The following LRRC4C variants were observed in gnomAD, a reference collection of about 807,000 sequenced individuals.
The protein encoded by LRRC4C is leucine rich repeat containing 4C.
In LRRC4C, 5 loss-of-function variants were observed where a neutral mutation model predicts 33.6. That is an observed-to-expected ratio of 0.15 (90% CI 0.08 to 0.31). The LOEUF (loss-of-function observed/expected upper bound fraction) is 0.31, where lower values mean the gene tolerates loss of function less well. LRRC4C is among the 10% of genes least tolerant of loss of function. The pLI is 1.00. For missense variants in LRRC4C, 560 were observed against 796.7 expected (o/e 0.70, Z 3.58); for synonymous variants, 329 against 302.0 (o/e 1.09, Z -0.93).
At chr11:41,132,866 T>C in intron 1 of LRRC4C, among the ~76,000 whole-genome samples, 1 of 152,138 alleles carries the variant, frequency 6.6e-6, no homozygotes, top group Admixed American at 6.6e-5. Flanking sequence ...ATCACTGTTC[T>C]GTTGTTATCC....
intron 2 of LRRC4C, among the ~76,000 whole-genome samples, chr11:40,776,101 C>T (rs1439885452): frequency 6.6e-6 from 1 of 152,008 alleles, no homozygotes; most frequent in African/African-American, 2.4e-5. Flanking sequence ...GTTGAACCAA[C>T]CTTGCATTCC....
intron 1 of LRRC4C, among the ~76,000 whole-genome samples, chr11:41,234,461 C>T (rs1030020637): frequency 4.0e-5 from 6 of 151,788 alleles, no homozygotes; most frequent in African/African-American, 1.5e-4. Flanking sequence ...TACAATAGAT[C>T]TCTTTAACTT....
intron 5 of LRRC4C, among the ~76,000 whole-genome samples, chr11:40,225,410 C>T (rs963612870): frequency 6.6e-6 from 1 of 152,138 alleles, no homozygotes; most frequent in African/African-American, 2.4e-5. Context: ...CTCATTTGGT[C>T]TCACCTTTTC....
chr11:40,402,216 CTA>C (rs1018197925), intron 3 of LRRC4C, among the ~76,000 whole-genome samples: 2 of 152,098 alleles, frequency 1.3e-5, no homozygotes, highest in African/African-American at 2.4e-5. Context: ...TGTATTTTCA[CTA>C]TATGTTTGTC....
At chr11:40,510,965 C>T (rs1010825649) in intron 3 of LRRC4C, among the ~76,000 whole-genome samples, 1 of 152,164 alleles carries the variant, frequency 6.6e-6, no homozygotes, top group Non-Finnish European at 1.5e-5. Context: ...AAGACACAGG[C>T]ACTCCCAGGA....
intron 1 of LRRC4C, among the ~76,000 whole-genome samples, chr11:41,385,930 C>G (rs781062758): frequency 2.0e-4 from 30 of 151,448 alleles, no homozygotes; most frequent in Non-Finnish European, 4.1e-4. Context: ...TTTATGAAAT[C>G]CAGCTTACCT....
chr11:41,133,248 C>T (rs966041629), intron 1 of LRRC4C, among the ~76,000 whole-genome samples: 1 of 152,038 alleles, frequency 6.6e-6, no homozygotes, highest in Admixed American at 6.6e-5. Flanking sequence ...CTCTGGGCGG[C>T]CTCATCCATT....
chr11:40,204,846 G>A (rs1673317566), intron 5 of LRRC4C, among the ~76,000 whole-genome samples: 1 of 152,162 alleles, frequency 6.6e-6, no homozygotes, highest in South Asian at 2.1e-4. Context: ...GCTTTGGCCA[G>A]TGCAATTTTC....
chr11:41,112,823 A>G (rs1380530303), intron 1 of LRRC4C, among the ~76,000 whole-genome samples: 2 of 152,092 alleles, frequency 1.3e-5, no homozygotes, highest in African/African-American at 4.8e-5. Flanking sequence ...GATTTTCCTC[A>G]TTGAATGCTC....
At chr11:40,183,120 T>C (rs918475930) in intron 5 of LRRC4C, among the ~76,000 whole-genome samples, 2 of 152,184 alleles carry the variant, frequency 1.3e-5, no homozygotes, top group Non-Finnish European at 2.9e-5. Context: ...TAAAAAAATG[T>C]ACCTTGCAAA....
At chr11:40,349,133 T>C (rs1947268918) in intron 3 of LRRC4C, among the ~76,000 whole-genome samples, 1 of 152,150 alleles carries the variant, frequency 6.6e-6, no homozygotes, top group Non-Finnish European at 1.5e-5. Context: ...ATTAATGTCA[T>C]CCTGTTGTGC....
At chr11:40,970,040 G>A (rs184412740) in intron 1 of LRRC4C, among the ~76,000 whole-genome samples, 1 of 152,134 alleles carries the variant, frequency 6.6e-6, no homozygotes, top group Non-Finnish European at 1.5e-5. Context: ...ATGCTAATGT[G>A]TTGGAGAATC....
intron 1 of LRRC4C, among the ~76,000 whole-genome samples, chr11:41,083,084 G>T (rs959796977): frequency 3.3e-5 from 5 of 152,162 alleles, no homozygotes; most frequent in South Asian, 2.1e-4. Context: ...TCACCAGATT[G>T]TGCAAGGTGT....
intron 3 of LRRC4C, among the ~76,000 whole-genome samples, chr11:40,403,197 T>C (rs1305089502): frequency 6.6e-6 from 1 of 152,080 alleles, no homozygotes; most frequent in Non-Finnish European, 1.5e-5. Context: ...ATCATATGAT[T>C]CTATTATTGC....
chr11:40,442,162 CA>C (rs1158464665), intron 3 of LRRC4C, among the ~76,000 whole-genome samples: 687 of 56,150 alleles, frequency 0.012, no homozygotes, highest in Non-Finnish European at 0.018. Flanking sequence ...GACTCCATTT[CA>C]AAAAAAAAAA....
chr11:40,904,927 A>G (rs1956354404), intron 2 of LRRC4C, among the ~76,000 whole-genome samples: 1 of 152,140 alleles, frequency 6.6e-6, no homozygotes, highest in South Asian at 2.1e-4. Flanking sequence ...GACATGATAA[A>G]CCACGCTCAA....
chr11:40,907,282 G>A (rs937820763), intron 2 of LRRC4C, among the ~76,000 whole-genome samples: 4 of 152,156 alleles, frequency 2.6e-5, no homozygotes, highest in Non-Finnish European at 5.9e-5. Context: ...GGACACGTAG[G>A]AGCAGATCAT....
intron 4 of LRRC4C, among the ~76,000 whole-genome samples, chr11:40,312,224 T>C (rs145501293): frequency 4.8e-4 from 73 of 152,330 alleles, no homozygotes; most frequent in African/African-American, 1.6e-3. Flanking sequence ...CTTTGAATTA[T>C]TATTGTTACC....
chr11:40,769,799 T>G (rs575805259), intron 2 of LRRC4C, among the ~76,000 whole-genome samples: 1 of 152,226 alleles, frequency 6.6e-6, no homozygotes, highest in South Asian at 2.1e-4. Context: ...AAACTAGACT[T>G]CTATCTCTTG....
Sources: allele counts gnomAD v4.1 joint callset (sites outside exome capture counted in the v4.1 genomes callset), GRCh38; gene constraint gnomAD v4.1.1; transcripts MANE v1.5; gene names NCBI Gene and HGNC (gene_info 2026-07-23, HGNC 2026-07-21).